The following ADAM22 variants were observed in gnomAD, a reference collection of about 807,000 sequenced individuals.
ADAM22 encodes ADAM metallopeptidase domain 22, also known as disintegrin and metalloproteinase domain-containing protein 22.
In ADAM22, 65 loss-of-function variants were observed where a neutral mutation model predicts 144.6. The observed-to-expected ratio is 0.45, with a 90% confidence interval of 0.37 to 0.55. The LOEUF (loss-of-function observed/expected upper bound fraction) is 0.55, where lower values mean the gene tolerates loss of function less well. Among genes scored for constraint, ADAM22 ranks in the 20% least tolerant of loss-of-function variants. The pLI, the probability that ADAM22 is intolerant of heterozygous loss-of-function variation, is 0.00. For missense variants in ADAM22, 974 were observed against 1,184.9 expected (o/e 0.82, Z 2.61); for synonymous variants, 391 against 412.6 (o/e 0.95, Z 0.63).
intron 3 of ADAM22, among the ~76,000 whole-genome samples, chr7:88,006,896 G>A (rs1794018151): frequency 6.7e-6 from 1 of 150,214 alleles, no homozygotes; most frequent in South Asian, 2.2e-4. Context: ...TGGAAGTTCT[G>A]GCCAGGGCAA....
At chr7:88,166,731 G>A (rs1843022911) in intron 24 of ADAM22, among the ~76,000 whole-genome samples, 1 of 152,114 alleles carries the variant, frequency 6.6e-6, no homozygotes, top group South Asian at 2.1e-4. Flanking sequence ...GGATGATTAA[G>A]ATTTTAGAGT....
intron 3 of ADAM22, among the ~76,000 whole-genome samples, chr7:88,052,870 C>T (rs193163332): frequency 2.4e-4 from 36 of 152,296 alleles, no homozygotes; most frequent in African/African-American, 7.7e-4. Context: ...AATACCTTCT[C>T]GGCTGCCATC....
intron 2 of ADAM22, among the ~76,000 whole-genome samples, chr7:87,948,548 A>C (rs1407512617): frequency 1.3e-5 from 2 of 151,996 alleles, no homozygotes; most frequent in Non-Finnish European, 2.9e-5. Flanking sequence ...TTTAAGCTTT[A>C]AATTATATGC....
chr7:88,079,931 C>T (rs887866988), intron 4 of ADAM22, among the ~76,000 whole-genome samples: 12 of 152,042 alleles, frequency 7.9e-5, no homozygotes, highest in Middle Eastern at 3.2e-3. Context: ...AACATCAGAC[C>T]GATCAACGAC....
rs1831430484 is a variant in ADAM22, at chr7:88,130,271, A to G, written c.754-117A>G. ...TACAGACAACACATTTTTACAGAAA[A>G]GATTTTTTTTTTTTTTACATTTTTA... On this transcript the variant is annotated intron_variant, in intron 9 of 31. Transcript: ENST00000413139. The G allele has an allele frequency of 8.6e-6, 6 of 700,220 alleles. No homozygotes were observed. In the South Asian group the frequency reaches 1.3e-4, roughly 15 times the overall value. 43.4% of individuals were successfully genotyped at this position (700,220 alleles called of 1,614,324 possible).
intron 4 of ADAM22, among the ~76,000 whole-genome samples, chr7:88,091,021 ATAT>A (rs1221235308): frequency 1.3e-5 from 2 of 152,200 alleles, no homozygotes; most frequent in Non-Finnish European, 2.9e-5. Context: ...TTATCTGGAA[ATAT>A]TATAGTTTTG....
intron 3 of ADAM22, among the ~76,000 whole-genome samples, chr7:88,051,248 A>C (rs1806247025): frequency 6.6e-6 from 1 of 152,206 alleles, no homozygotes; most frequent in Admixed American, 6.5e-5. Flanking sequence ...AGACACATGC[A>C]CATGTATGTT....
At position 87,935,334 on chromosome 7, in the gene ADAM22, C is replaced by CA. The variant is rs956400586; in HGVS notation, c.246+154dup. The CA allele has an allele frequency of 5.8e-4, 562 of 964,576 alleles. 6 individuals carry two copies. In the Admixed American group the frequency reaches 0.012, roughly 21 times the overall value. The allele number at this position is 964,576 out of a possible 1,614,324, so 59.8% of individuals were successfully genotyped here. On this transcript the variant is annotated intron_variant, in intron 2 of 31. Transcript: ENST00000413139. ...CGAGTCATGCATGGCGCTCCCTGTG[C>CA]AAAAAAGAAGGGGAAAAGGGTACAA...
intron 7 of ADAM22, among the ~76,000 whole-genome samples, chr7:88,117,901 G>T (rs536446136): frequency 6.6e-6 from 1 of 151,976 alleles, no homozygotes; most frequent in East Asian, 1.9e-4. Context: ...CGCCATATTG[G>T]GTAGGCTGGT....
chr7:88,169,322 A>T (rs1843686995), intron 25 of ADAM22, among the ~76,000 whole-genome samples: 1 of 152,158 alleles, frequency 6.6e-6, no homozygotes, highest in Non-Finnish European at 1.5e-5. Context: ...ACAGTTTGAC[A>T]TGGCATGTCA....
intron 2 of ADAM22, among the ~76,000 whole-genome samples, chr7:87,946,000 G>C (rs1256027001): frequency 6.6e-6 from 1 of 151,466 alleles, no homozygotes; most frequent in Non-Finnish European, 1.5e-5. Context: ...TTCCCACCAA[G>C]AGTGTGTAAG....
At chr7:88,103,681 A>G (rs1441912252) in intron 4 of ADAM22, among the ~76,000 whole-genome samples, 8 of 152,156 alleles carry the variant, frequency 5.3e-5, no homozygotes, top group Admixed American at 6.5e-5. Flanking sequence ...AAAGAGCCCA[A>G]CTCTGATAGG....
At chr7:88,088,510 G>GA (rs11404353) in intron 4 of ADAM22, among the ~76,000 whole-genome samples, 70,087 of 146,190 alleles carry the variant, frequency 0.48, 17,436 homozygotes, top group Non-Finnish European at 0.52. Context: ...TCAATGACAG[G>GA]AAAAAAAAAA....
chr7:88,052,343 A>C (rs1251229505), intron 3 of ADAM22, among the ~76,000 whole-genome samples: 4 of 39,590 alleles, frequency 1.0e-4, no homozygotes, highest in South Asian at 1.3e-3. Flanking sequence ...TAAAAATGCA[A>C]AAAAAAAAAA....
rs1563424717 is a variant in ADAM22, at chr7:88,186,644, A to T, written c.2693A>T (p.Tyr898Phe). Residue 898 changes from tyrosine to phenylalanine, a missense_variant, in exon 30 of 32, where the codon TAT becomes TTT. Tyr to Phe is a conservative substitution (Grantham distance 22). Coordinates refer to ENST00000413139, the MANE Select transcript of ADAM22 (RefSeq NM_001324418.2). ...EYLNPWFKRD[Y>F]NVAKWVEDVN... is the part of the protein sequence containing the mutation. ...TTAAACCCATGGTTCAAAAGAGACT[A>T]TAATGTAGCTAAGTGGGTAGAAGAT... The T allele has an allele frequency of 1.1e-5, 17 of 1,612,186 alleles. No homozygotes were observed. The highest frequency in any genetic ancestry group is 1.7e-5 in the Admixed American group (1 of 59,996).
intron 2 of ADAM22, among the ~76,000 whole-genome samples, chr7:87,942,540 C>T (rs888388745): frequency 6.6e-6 from 1 of 152,154 alleles, no homozygotes; most frequent in Non-Finnish European, 1.5e-5. Context: ...ACATTTACCC[C>T]ATTGGAACTA....
intron 3 of ADAM22, among the ~76,000 whole-genome samples, chr7:87,998,727 CT>C (rs1296884707): frequency 2.0e-5 from 3 of 152,154 alleles, no homozygotes; most frequent in Non-Finnish European, 2.9e-5. Context: ...GTTAGTACCC[CT>C]GATTCCATCT....
chr7:88,158,663 G>C (rs1444979035), intron 22 of ADAM22, among the ~76,000 whole-genome samples: 4 of 151,896 alleles, frequency 2.6e-5, no homozygotes. Flanking sequence ...TGACTTTTAG[G>C]TAAATAATGA....
intron 27 of ADAM22, among the ~76,000 whole-genome samples, chr7:88,179,730 AT>A (rs1159331208): frequency 1.3e-5 from 2 of 152,140 alleles, no homozygotes; most frequent in East Asian, 3.8e-4. Context: ...GTATGACACC[AT>A]TTAAAATTCT....
Sources: gnomAD v4.1 joint callset for allele counts (sites outside exome capture counted in the v4.1 genomes callset) on GRCh38, gnomAD v4.1.1 for gene constraint, MANE v1.5 for transcripts, NCBI Gene and HGNC (gene_info 2026-07-23, HGNC 2026-07-21) for gene names.